Variants in ZNF521 observed in about 807,000 individuals in gnomAD.
The protein encoded by ZNF521 is zinc finger protein 521, also known as LYST-interacting protein 3.
In ZNF521, 14 loss-of-function variants were observed where a neutral mutation model predicts 105.5. That is an observed-to-expected ratio of 0.13 (90% CI 0.09 to 0.21). The LOEUF is 0.21. Among genes scored for constraint, ZNF521 ranks in the 10% least tolerant of loss-of-function variants. The pLI is 1.00. For missense variants in ZNF521, 1,233 were observed against 1,629.7 expected, an observed-to-expected ratio of 0.76 and a Z score of 4.19; for synonymous variants, 635 against 606.0, an observed-to-expected ratio of 1.05 and a Z score of -0.70.
chr18:25,199,770 G>C (rs967257136), intron 4 of ZNF521, among the ~76,000 whole-genome samples: 1 of 152,000 alleles, frequency 6.6e-6, no homozygotes, highest in African/African-American at 2.4e-5. Flanking sequence ...ATTCACTTTA[G>C]ACTCCTTCAC....
rs371359683 is a variant in ZNF521, at chr18:25,169,342, T to C, written c.3658+25818A>G. Among the ~76,000 whole-genome samples, 30 of 152,282 alleles carry C rather than the reference T, an allele frequency of 2.0e-4. No homozygotes were observed. In the East Asian group the frequency reaches 5.0e-3, roughly 25 times the overall value. On this transcript the variant is annotated intron_variant, in intron 5 of 7. Transcript: ENST00000361524. ...CAGTACTGGTATTTTCAATCCACAC[T>C]TGCTAGATAAAACAGCTGACCCAGA...
At chr18:25,101,414 G>C (rs1192619772) in intron 5 of ZNF521, among the ~76,000 whole-genome samples, 1 of 152,114 alleles carries the variant, frequency 6.6e-6, no homozygotes, top group Non-Finnish European at 1.5e-5. Context: ...GAAGGGGTTT[G>C]TAGATGTTTT....
intron 3 of ZNF521, among the ~76,000 whole-genome samples, chr18:25,253,917 T>C (rs924472774): frequency 1.3e-5 from 2 of 152,126 alleles, no homozygotes; most frequent in Non-Finnish European, 1.5e-5. Context: ...TTTTTACACA[T>C]GATATGAACT....
At chr18:25,094,446 A>G (rs1184377473) in intron 5 of ZNF521, among the ~76,000 whole-genome samples, 1 of 152,128 alleles carries the variant, frequency 6.6e-6, no homozygotes, top group Non-Finnish European at 1.5e-5. Context: ...GCATAAAGGT[A>G]TTTATGCATT....
chr18:25,206,458 T>C (rs939756690), intron 4 of ZNF521, among the ~76,000 whole-genome samples: 2 of 152,184 alleles, frequency 1.3e-5, no homozygotes, highest in African/African-American at 2.4e-5. Context: ...CTAGTCATTC[T>C]CTTTTGTTTA....
At position 25,330,781 on chromosome 18, in the gene ZNF521, C is replaced by A. The variant is rs546809394; in HGVS notation, c.41-8594G>T. Reference sequence around the variant, plus strand: ...TACTACTTTTAATAACATAAAACCCCAATAAATTTAAAATACTTGTTTTAA... The same window carrying A: ...TACTACTTTTAATAACATAAAACCCAAATAAATTTAAAATACTTGTTTTAA... On this transcript the variant is annotated intron_variant, in intron 2 of 7. Coordinates refer to ENST00000361524, the MANE Select transcript of ZNF521 (RefSeq NM_015461.3). Among the ~76,000 whole-genome samples the A allele has an allele frequency of 4.8e-4, 73 of 152,132 alleles. 1 individual carries two copies. Among genetic ancestry groups the A allele is most frequent in the African/African-American group, 1.4e-3 (59 of 41,490 alleles).
chr18:25,226,852 T>C lies in ZNF521; in HGVS notation c.1066A>G (p.Ser356Gly), dbSNP rs1360636495. Residue 356 changes from serine (S) to glycine (G), a missense_variant, in exon 4 of 8, where the codon AGT (serine) becomes GGT (glycine). Physicochemically the swap from Ser to Gly is moderately conservative, Grantham distance 56. Coordinates refer to ENST00000361524, the MANE Select transcript of ZNF521 (RefSeq NM_015461.3). The surrounding 1 kb of genome is among the most constrained non-coding windows in gnomAD (Gnocchi z 4.1). ...GAGAGGTTGGAATCTGGAGTCGTAC[T>C]GGACACGGAGGTATAGCCCACCGTG... ...LVTVGYTSVSSTTPDSNLSVD... is the reference protein window; with the variant it reads ...LVTVGYTSVSGTTPDSNLSVD... 6.2e-7 allele frequency: 1 copy of C among 1,613,954 alleles called. No homozygotes were observed.
chr18:25,179,171 A>C (rs1336818486), intron 5 of ZNF521, among the ~76,000 whole-genome samples: 1 of 92,946 alleles, frequency 1.1e-5, no homozygotes, highest in East Asian at 3.3e-4. Flanking sequence ...TGGTGGTGGC[A>C]GGGATGGAAT....
chr18:25,073,545 A>G (rs1382653927), intron 7 of ZNF521, among the ~76,000 whole-genome samples: 1 of 152,206 alleles, frequency 6.6e-6, no homozygotes, highest in Non-Finnish European at 1.5e-5. Context: ...CTTAGGATTT[A>G]AACTCTGGTC....
intron 5 of ZNF521, among the ~76,000 whole-genome samples, chr18:25,178,485 A>T (rs1049459974): frequency 6.6e-6 from 1 of 152,188 alleles, no homozygotes. Context: ...TCATTCACAC[A>T]TTAGTATTAT....
rs1158803066 is a variant in ZNF521 at position 25,129,439 on chromosome 18, A to ATG, written c.3659-37359_3659-37358insCA. On this transcript the variant is annotated intron_variant, in intron 5 of 7. Coordinates refer to ENST00000361524, the MANE Select transcript of ZNF521 (RefSeq NM_015461.3). ...CGGGTGTTTGGCAATAAATTTTTAGATAGAACACTAAAAGCATGATCCATG... is the reference window on the plus strand; with the variant it reads ...CGGGTGTTTGGCAATAAATTTTTAGATGTAGAACACTAAAAGCATGATCCATG... Among the ~76,000 whole-genome samples, 94 of 152,024 alleles carry ATG rather than the reference A, an allele frequency of 6.2e-4. 1 individual carries two copies. Among genetic ancestry groups the ATG allele is most frequent in the Non-Finnish European group, 3.4e-4 (23 of 67,942 alleles).
intron 2 of ZNF521, among the ~76,000 whole-genome samples, chr18:25,333,297 A>ACTCT (rs1432952000): frequency 2.1e-3 from 26 of 12,276 alleles, no homozygotes; most frequent in Non-Finnish European, 3.2e-3. Context: ...TAATAAGGAC[A>ACTCT]CACTCTCTCT....
intron 3 of ZNF521, among the ~76,000 whole-genome samples, chr18:25,230,069 T>C (rs977486273): frequency 1.3e-5 from 2 of 152,168 alleles, no homozygotes; most frequent in Non-Finnish European, 2.9e-5. Flanking sequence ...TAAATTTCAG[T>C]GACACGTCAA....
At chr18:25,067,959 G>C (rs1273417945) in intron 7 of ZNF521, among the ~76,000 whole-genome samples, 1 of 152,060 alleles carries the variant, frequency 6.6e-6, no homozygotes, top group Non-Finnish European at 1.5e-5. Flanking sequence ...ACCATGACTT[G>C]TTTATTTATA....
intron 3 of ZNF521, among the ~76,000 whole-genome samples, chr18:25,311,931 T>C (rs1247212097): frequency 1.3e-5 from 2 of 152,222 alleles, no homozygotes; most frequent in African/African-American, 2.4e-5. Context: ...GATTTATGAA[T>C]ACAGTTAAAA....
intron 5 of ZNF521, among the ~76,000 whole-genome samples, chr18:25,122,700 G>C (rs2034465725): frequency 6.6e-6 from 1 of 152,154 alleles, no homozygotes; most frequent in Admixed American, 6.5e-5. Context: ...TTCTCCCTCT[G>C]ATTGGAATGC....
At chr18:25,299,101 A>G (rs1254262081) in intron 3 of ZNF521, among the ~76,000 whole-genome samples, 1 of 152,250 alleles carries the variant, frequency 6.6e-6, no homozygotes, top group Non-Finnish European at 1.5e-5. Context: ...CATCCTCTGC[A>G]TCTGTCCCCA....
chr18:25,081,963 T>C (rs1323117799), intron 7 of ZNF521, among the ~76,000 whole-genome samples: 2 of 152,186 alleles, frequency 1.3e-5, no homozygotes, highest in Non-Finnish European at 2.9e-5. Flanking sequence ...CCTGATTGAA[T>C]TATCCAATAT....
intron 5 of ZNF521, among the ~76,000 whole-genome samples, chr18:25,123,610 T>A (rs2034485438): frequency 6.6e-6 from 1 of 152,154 alleles, no homozygotes; most frequent in Non-Finnish European, 1.5e-5. Context: ...TTCTCCAGTT[T>A]CCTTGCAGAG....
Sources: gnomAD v4.1 joint callset for allele counts (sites outside exome capture counted in the v4.1 genomes callset) on GRCh38, gnomAD v4.1.1 for gene constraint, Gnocchi (gnomAD v3.1) non-coding constraint, MANE v1.5 for transcripts, NCBI Gene and HGNC (gene_info 2026-07-23, HGNC 2026-07-21) for gene names.